MCC: variants seen among roughly 807,000 people sequenced by gnomAD.
The protein encoded by MCC is MCC regulator of Wnt signaling pathway, also known as colorectal mutant cancer protein.
MCC carries 90 observed loss-of-function variants against 116.2 expected under a neutral mutation model. The observed-to-expected ratio is 0.77, with a 90% CI of 0.65 to 0.92. The LOEUF (loss-of-function observed/expected upper bound fraction) is 0.92. Among genes scored for constraint, MCC ranks in the 40% least tolerant of loss-of-function variants. The pLI, the probability that MCC is intolerant of heterozygous loss-of-function variation, is 0.00. For synonymous variants in MCC, 578 were observed against 510.5 expected (o/e 1.13, Z -1.78); for missense variants, 1,516 against 1,312.2 (o/e 1.16, Z -2.40).
intron 1 of MCC, among the ~76,000 whole-genome samples, chr5:113,392,542 C>A (rs952001017): frequency 2.0e-5 from 3 of 151,610 alleles, no homozygotes; most frequent in Non-Finnish European, 2.9e-5. Context: ...CTCAAGCATA[C>A]CCTTCAACCA....
At chr5:113,388,790 C>T (rs529591745) in intron 1 of MCC, among the ~76,000 whole-genome samples, 375 of 152,284 alleles carry the variant, frequency 2.5e-3, no homozygotes, top group Non-Finnish European at 3.9e-3. Flanking sequence ...AATAGACTAA[C>T]ATGTCCCCAT....
At chr5:113,371,170 A>C (rs908552540) in intron 2 of MCC, among the ~76,000 whole-genome samples, 4 of 152,180 alleles carry the variant, frequency 2.6e-5, no homozygotes, top group Admixed American at 2.6e-4. Flanking sequence ...GCAGTGAGCC[A>C]AGGTTGTGCC....
At chr5:113,051,728 C>CAACA (rs36220203) in intron 15 of MCC, among the ~76,000 whole-genome samples, 24 of 151,494 alleles carry the variant, frequency 1.6e-4, no homozygotes, top group East Asian at 7.8e-4. Flanking sequence ...TGTTTCAAAA[C>CAACA]AACAAACAAA....
chr5:113,091,846 C>A (rs1234610168), intron 8 of MCC, among the ~76,000 whole-genome samples: 1 of 151,880 alleles, frequency 6.6e-6, no homozygotes, highest in Non-Finnish European at 1.5e-5. Context: ...GAGGATCACA[C>A]CACTGGACTC....
intron 1 of MCC, among the ~76,000 whole-genome samples, chr5:113,397,337 T>C (rs1041326397): frequency 1.3e-5 from 2 of 152,220 alleles, no homozygotes; most frequent in Non-Finnish European, 2.9e-5. Flanking sequence ...TCTCTTACTC[T>C]GTCACTCTGC....
Position 113,143,289 on chromosome 5 carries a change from G to A in MCC, c.813C>T (p.Arg271=). 1 of 1,613,790 alleles carries A rather than the reference G, an allele frequency of 6.2e-7. No homozygotes were observed. Among genetic ancestry groups the A allele is most frequent in the Non-Finnish European group, 8.5e-7 (1 of 1,179,922 alleles). ...CAATGACGCTGTGGAGCTCTGTGAT[G>A]CGTTCCTCATAGCGAAGTGTCGTTC... The part of the protein sequence containing the change: ...QERTTLRYEE[R]ITELHSVIAE... The change falls in exon 5 of 19, where the codon CGC becomes CGT. Residue 271 remains arginine, a synonymous_variant. Coordinates refer to ENST00000408903, the MANE Select transcript of MCC (RefSeq NM_001085377.2).
At chr5:113,070,543 G>A (rs1463069577) in intron 12 of MCC, among the ~76,000 whole-genome samples, 1 of 152,160 alleles carries the variant, frequency 6.6e-6, no homozygotes, top group African/African-American at 2.4e-5. Context: ...TACAATTCCT[G>A]CTTTGGGATT....
At chr5:113,469,017 T>C (rs1289901010) in intron 1 of MCC, among the ~76,000 whole-genome samples, 4 of 152,236 alleles carry the variant, frequency 2.6e-5, no homozygotes, top group Non-Finnish European at 5.9e-5. Flanking sequence ...TTCTGTGGGA[T>C]CGGTGGTGAT....
At chr5:113,177,971 G>C (rs551813376) in intron 3 of MCC, among the ~76,000 whole-genome samples, 3 of 152,178 alleles carry the variant, frequency 2.0e-5, no homozygotes, top group African/African-American at 7.2e-5. Context: ...CCTTATCTTA[G>C]AAGACTATTT....
chr5:113,133,922 C>A (rs544761844), intron 5 of MCC, among the ~76,000 whole-genome samples: 2 of 152,106 alleles, frequency 1.3e-5, no homozygotes. Context: ...TCAGATCTTT[C>A]GCTAATCTTT....
intron 4 of MCC, among the ~76,000 whole-genome samples, chr5:113,148,829 G>A (rs1759677432): frequency 6.6e-6 from 1 of 152,090 alleles, no homozygotes; most frequent in Non-Finnish European, 1.5e-5. Flanking sequence ...ACATAAGAAT[G>A]CAAATAAGAG....
chr5:113,254,183 AG>A (rs1764916679), intron 3 of MCC, among the ~76,000 whole-genome samples: 1 of 152,218 alleles, frequency 6.6e-6, no homozygotes, highest in Non-Finnish European at 1.5e-5. Flanking sequence ...TGCTAAGGGA[AG>A]ATTATTTTAA....
chr5:113,059,241 A>G (rs1753046650), intron 14 of MCC, among the ~76,000 whole-genome samples: 1 of 152,196 alleles, frequency 6.6e-6, no homozygotes, highest in Admixed American at 6.5e-5. Flanking sequence ...GTTTAATTTC[A>G]AGATAAACCT....
chr5:113,107,560 C>A (rs1336787516), intron 6 of MCC, among the ~76,000 whole-genome samples: 1 of 152,088 alleles, frequency 6.6e-6, no homozygotes, highest in Admixed American at 6.5e-5. Flanking sequence ...CAACTGGAGG[C>A]AAAGGACCCA....
intron 3 of MCC, among the ~76,000 whole-genome samples, chr5:113,313,723 T>C (rs186614463): frequency 1.6e-4 from 24 of 152,354 alleles, no homozygotes; most frequent in Non-Finnish European, 2.6e-4. Context: ...TATTTCTAAA[T>C]AGATATTCCA....
intron 3 of MCC, among the ~76,000 whole-genome samples, chr5:113,288,710 G>T (rs749133582): frequency 6.6e-6 from 1 of 152,140 alleles, no homozygotes; most frequent in African/African-American, 2.4e-5. Context: ...AAAAGCTGAG[G>T]GCAGTAACAG....
At chr5:113,436,955 T>A (rs1034111693) in intron 1 of MCC, 3 of 152,212 alleles carry the variant, frequency 2.0e-5, no homozygotes, top group African/African-American at 7.2e-5. Context: ...CATACACTGA[T>A]TGATGTCTCG....
chr5:113,386,253 A>G (rs946982310), intron 1 of MCC, among the ~76,000 whole-genome samples: 5 of 152,218 alleles, frequency 3.3e-5, no homozygotes, highest in Non-Finnish European at 5.9e-5. Context: ...AAGTTCAGTT[A>G]TCTGGAGAAT....
At chr5:113,048,177 G>A (rs1318255445) in intron 16 of MCC, among the ~76,000 whole-genome samples, 1 of 152,216 alleles carries the variant, frequency 6.6e-6, no homozygotes, top group Non-Finnish European at 1.5e-5. Flanking sequence ...ACTTAAGGGC[G>A]ATAATAAATG....
Sources: gnomAD v4.1 joint callset for allele counts (sites outside exome capture counted in the v4.1 genomes callset) on GRCh38, gnomAD v4.1.1 for gene constraint, MANE v1.5 for transcripts, NCBI Gene and HGNC (gene_info 2026-07-23, HGNC 2026-07-21) for gene names.